PIAS2: variants seen among roughly 807,000 people sequenced by gnomAD.
PIAS2 encodes the protein E3 SUMO-protein ligase PIAS2.
PIAS2 carries 19 observed loss-of-function variants against 69.7 expected under a neutral mutation model. The ratio of observed to expected loss-of-function variants is 0.27; its 90% confidence interval spans 0.19 to 0.40. PIAS2 has a LOEUF of 0.40. Among genes scored for constraint, PIAS2 ranks in the 10% least tolerant of loss-of-function variants. PIAS2 has a pLI of 1.00. For synonymous variants in PIAS2, 261 were observed against 263.2 expected, an observed-to-expected ratio of 0.99 and a Z score of 0.08; for missense variants, 624 against 757.0, an observed-to-expected ratio of 0.82 and a Z score of 2.06.
chr18:46,914,903 A>AG (rs1318067401), intron 1 of PIAS2: 2 of 152,174 alleles, frequency 1.3e-5, no homozygotes, highest in Non-Finnish European at 2.9e-5. Flanking sequence ...TTCTGATCCA[A>AG]GGACCATCAT....
At chr18:46,916,730 T>A in intron 1 of PIAS2, 3 of 775,450 alleles carry the variant, frequency 3.9e-6, no homozygotes, top group Non-Finnish European at 4.7e-6. Flanking sequence ...AATATCGAGG[T>A]TTAAGGCCGA....
Position 46,812,306 on chromosome 18 carries a change from AG to A in PIAS2, c.*126del, listed in dbSNP as rs2041052358. On this transcript the variant is annotated 3_prime_UTR_variant, in exon 14 of 14. Coordinates refer to ENST00000585916, the MANE Select transcript of PIAS2 (RefSeq NM_004671.5). ...CTGTGTTCACCCCTCAGAAAGCAAA[AG>A]AATCCATCTGACTTTCAATAAATAC... 1 of 604,124 alleles carries A rather than the reference AG, an allele frequency of 1.7e-6. No homozygotes were observed. Among genetic ancestry groups the A allele is most frequent in the Non-Finnish European group, 2.9e-6 (1 of 349,096 alleles). 37.4% of individuals were successfully genotyped at this position (604,124 alleles called of 1,614,324 possible).
rs1169381057 is a variant in PIAS2 at position 46,812,434 on chromosome 18, T to C, written c.1865A>G (p.Ter622=). 8.8e-6 allele frequency: 14 copies of C among 1,599,178 alleles called. No individual in the cohort carries two copies. The highest frequency in any genetic ancestry group is 1.7e-5 in the Admixed American group (1 of 59,454). Residue 622 remains the stop codon, a stop_retained_variant, in exon 14 of 14, where the codon TAA becomes TGA. Transcript: ENST00000585916. ...SNIPDIISLD[*] ...TCCCAGAATCAAGTGAGTCCTCCTT[T>C]AGTCCAATGAGATGATGTCAGGAAT... is the stretch of plus-strand genomic sequence containing the variant.
At chr18:46,818,414 A>T in intron 12 of PIAS2, 1 of 1,585,612 alleles carries the variant, frequency 6.3e-7, no homozygotes, top group East Asian at 2.3e-5. Context: ...TCCAAGCTTC[A>T]GTTCATTATT....
chr18:46,919,061 A>G (rs1197307821), upstream of PIAS2, among the ~76,000 whole-genome samples: 1 of 151,400 alleles, frequency 6.6e-6, no homozygotes, highest in African/African-American at 2.4e-5. Flanking sequence ...ACACACACAT[A>G]TTGTTTTGGC....
chr18:46,904,708 G>A (rs144902003), intron 1 of PIAS2, among the ~76,000 whole-genome samples: 1,932 of 149,096 alleles, frequency 0.013, 41 homozygotes, highest in African/African-American at 0.044. Context: ...CCGAGATCGC[G>A]CCACTGCCCT....
intron 2 of PIAS2, among the ~76,000 whole-genome samples, chr18:46,878,573 A>G (rs1333616500): frequency 6.6e-6 from 1 of 152,216 alleles, no homozygotes; most frequent in African/African-American, 2.4e-5. Context: ...ATATTTCAGT[A>G]AAAATGCTTC....
Position 46,806,725 on chromosome 18 carries a change from C to T in PIAS2, c.*5708G>A, listed in dbSNP as rs751082599. On this transcript the variant is annotated 3_prime_UTR_variant, in exon 14 of 14. Transcript: ENST00000585916. ...GTCTGGAACCAAAACTTCTGTAACA[C>T]TCTATTCCACGTGTACTTACAAAAC... is the stretch of plus-strand genomic sequence containing the variant. 1.3e-5 allele frequency: 2 copies of T among 152,144 alleles called. No homozygotes were observed. Among genetic ancestry groups the T allele is most frequent in the Admixed American group, 6.6e-5 (1 of 15,264 alleles). 9.4% of individuals were successfully genotyped at this position (152,144 alleles called of 1,614,324 possible).
chr18:46,830,863 T>C (rs147098668), intron 9 of PIAS2, among the ~76,000 whole-genome samples: 1 of 152,290 alleles, frequency 6.6e-6, no homozygotes, highest in African/African-American at 2.4e-5. Flanking sequence ...AGCATTACTC[T>C]GATAATAAAA....
In PIAS2 at chr18:46,839,959, G is replaced by A. The variant is rs113119505; in HGVS notation, c.1042-3442C>T. Among the ~76,000 whole-genome samples, 790 of 151,644 alleles carry A rather than the reference G, an allele frequency of 5.2e-3. 7 individuals are homozygous for A. Among genetic ancestry groups the A allele is most frequent in the African/African-American group, 0.018 (759 of 41,338 alleles). ...GGGGGAATCACGAGGTCAAAAGCTC[G>A]AGACCAGCCTGACCAACATGGTGAA... On this transcript the variant is annotated intron_variant, in intron 8 of 13. Coordinates refer to ENST00000585916, the MANE Select transcript of PIAS2 (RefSeq NM_004671.5).
chr18:46,909,971 A>G (rs1289522127), intron 1 of PIAS2, among the ~76,000 whole-genome samples: 3 of 152,142 alleles, frequency 2.0e-5, no homozygotes, highest in Admixed American at 6.5e-5. Context: ...GTTCAAGACC[A>G]GCCTGGCCAA....
chr18:46,827,698 A>G (rs763170608), intron 11 of PIAS2: 19 of 323,296 alleles, frequency 5.9e-5, no homozygotes, highest in Non-Finnish European at 9.1e-5. Context: ...TTTCCTTACA[A>G]ACAGGTTCAA....
intron 1 of PIAS2, among the ~76,000 whole-genome samples, chr18:46,910,305 A>C (rs1218061217): frequency 6.6e-6 from 1 of 152,230 alleles, no homozygotes; most frequent in Non-Finnish European, 1.5e-5. Context: ...TGATCAGGAA[A>C]GTGCATCCTG....
intron 2 of PIAS2, among the ~76,000 whole-genome samples, chr18:46,889,628 G>A (rs2053749432): frequency 6.6e-6 from 1 of 152,168 alleles, no homozygotes; most frequent in South Asian, 2.1e-4. Context: ...CACTGTTGAA[G>A]GGAATGTAAA....
Position 46,857,188 on chromosome 18 carries a change from C to A in PIAS2, c.585-1573G>T, listed in dbSNP as rs2047967787. The stretch of plus-strand genomic sequence containing the variant: ...ATTCAAAACATCCCCATATCCTTGA[C>A]AATACTGACCTCTTCTGAGCAACCC... On this transcript the variant is annotated intron_variant, in intron 3 of 13. Coordinates refer to ENST00000585916, the MANE Select transcript of PIAS2 (RefSeq NM_004671.5). Among the ~76,000 whole-genome samples the A allele has an allele frequency of 2.0e-5, 3 of 152,304 alleles. No individual in the cohort carries two copies. The South Asian group carries it at 6.2e-4, about 32-fold the overall frequency.
rs1168613279 is a variant in PIAS2 at position 46,810,294 on chromosome 18, A to G, written c.*2139T>C. 1 of 152,188 alleles carries G rather than the reference A, an allele frequency of 6.6e-6. No homozygotes were observed. Among genetic ancestry groups the G allele is most frequent in the African/African-American group, 2.4e-5 (1 of 41,464 alleles). The allele number at this position is 152,188 out of a possible 1,614,324, so 9.4% of individuals were successfully genotyped here. A position where few individuals can be genotyped will look rare whatever the true frequency, so the allele number is the denominator to read the frequency against. On this transcript the variant is annotated 3_prime_UTR_variant, in exon 14 of 14. Coordinates refer to ENST00000585916, the MANE Select transcript of PIAS2 (RefSeq NM_004671.5). ...TATTAATATTTTCATTTACTTTATA[A>G]AACTTTGTTGATTAAATTGGGGGAG...
chr18:46,878,120 C>T (rs1466307998), intron 2 of PIAS2, among the ~76,000 whole-genome samples: 1 of 152,126 alleles, frequency 6.6e-6, no homozygotes, highest in African/African-American at 2.4e-5. Flanking sequence ...TATAACAGTC[C>T]TATATCCTAG....
chr18:46,904,923 T>C (rs922713988), intron 1 of PIAS2, among the ~76,000 whole-genome samples: 1 of 152,036 alleles, frequency 6.6e-6, no homozygotes, highest in African/African-American at 2.4e-5. Flanking sequence ...TAAAAATCGA[T>C]AGAACTACAA....
chr18:46,875,687 A>T (rs1386844340), intron 2 of PIAS2, among the ~76,000 whole-genome samples: 1 of 152,244 alleles, frequency 6.6e-6, no homozygotes, highest in Non-Finnish European at 1.5e-5. Flanking sequence ...ATTAAGGCAG[A>T]CTATAGCTCT....
Sources: gnomAD v4.1 joint callset for allele counts (sites outside exome capture counted in the v4.1 genomes callset) on GRCh38, gnomAD v4.1.1 for gene constraint, MANE v1.5 for transcripts, NCBI Gene and HGNC (gene_info 2026-07-23, HGNC 2026-07-21) for gene names.